The following OSBPL6 variants were observed in gnomAD, a reference collection of about 807,000 sequenced individuals.
OSBPL6 encodes the protein oxysterol binding protein like 6, also known as oxysterol-binding protein-related protein 6.
In OSBPL6, 49 loss-of-function variants were observed where a neutral mutation model predicts 125.8. The ratio of observed to expected loss-of-function variants is 0.39; its 90% CI spans 0.31 to 0.49. The LOEUF is 0.49. OSBPL6 is among the 20% of genes least tolerant of loss of function. The pLI, the probability that OSBPL6 is intolerant of heterozygous loss-of-function variation, is 0.88. For synonymous variants in OSBPL6, 394 were observed against 391.8 expected (o/e 1.01, Z -0.07); for missense variants, 986 against 1,135.4 (o/e 0.87, Z 1.89).
intron 3 of OSBPL6, chr2:178,320,338 T>C (rs1688128218): frequency 6.2e-6 from 10 of 1,612,860 alleles, no homozygotes; most frequent in Non-Finnish European, 8.5e-6. Context: ...AAATATGTGT[T>C]CCAGGTTCCT....
chr2:178,355,608 C>A (rs548103037), intron 12 of OSBPL6, among the ~76,000 whole-genome samples: 2 of 152,060 alleles, frequency 1.3e-5, no homozygotes, highest in East Asian at 1.9e-4. Context: ...GCCTACCAAC[C>A]AAAAAAAGTA....
intron 1 of OSBPL6, among the ~76,000 whole-genome samples, chr2:178,281,803 G>T (rs1391679074): frequency 6.6e-6 from 1 of 151,704 alleles, no homozygotes; most frequent in East Asian, 1.9e-4. Context: ...CTGTGGTGAG[G>T]GGGGTGGTGG....
intron 13 of OSBPL6, among the ~76,000 whole-genome samples, chr2:178,365,414 A>C (rs1692738662): frequency 6.6e-6 from 1 of 152,190 alleles, no homozygotes; most frequent in Non-Finnish European, 1.5e-5. Context: ...TGCCTTGAGC[A>C]AACAAAAATT....
At position 178,252,349 on chromosome 2, in the gene OSBPL6, A is replaced by G. The variant is rs577932328; in HGVS notation, c.-350-32578A>G. Among the ~76,000 whole-genome samples the G allele has an allele frequency of 2.6e-5, 4 of 152,296 alleles. No individual in the cohort carries two copies. In the East Asian group the frequency reaches 7.7e-4, roughly 29 times the overall value. ...CTGTTGCCAACTACTCAATTCTGCC[A>G]TTATAGTTCAAAAGCAGCGGTAGAC... On this transcript the variant is annotated intron_variant, in intron 1 of 24. Coordinates refer to ENST00000190611, the MANE Select transcript of OSBPL6 (RefSeq NM_032523.4).
At chr2:178,206,123 C>T (rs954670057) in intron 1 of OSBPL6, among the ~76,000 whole-genome samples, 1 of 152,150 alleles carries the variant, frequency 6.6e-6, no homozygotes. Flanking sequence ...TAGGATTTCT[C>T]TTATTGGCTG....
upstream of OSBPL6, among the ~76,000 whole-genome samples, chr2:178,194,006 G>A (rs1272193800): frequency 6.6e-6 from 1 of 152,258 alleles, no homozygotes. Context: ...CCCGAGCGGA[G>A]GCCGCCAGGC....
intron 2 of OSBPL6, among the ~76,000 whole-genome samples, chr2:178,287,321 C>T (rs1443871658): frequency 6.6e-6 from 1 of 151,162 alleles, no homozygotes; most frequent in African/African-American, 2.4e-5. Flanking sequence ...TAAATCTCTT[C>T]TTGATTGGTA....
intron 2 of OSBPL6, among the ~76,000 whole-genome samples, chr2:178,299,565 C>A (rs754339612): frequency 4.0e-5 from 6 of 151,846 alleles, no homozygotes; most frequent in African/African-American, 1.5e-4. Context: ...TTCTTTCTTT[C>A]GCTCCTTGTG....
chr2:178,349,989 C>G (rs936393376), intron 12 of OSBPL6, among the ~76,000 whole-genome samples: 1 of 152,208 alleles, frequency 6.6e-6, no homozygotes, highest in Admixed American at 6.5e-5. Flanking sequence ...CTTAGGGTTC[C>G]AAGAGCCTGG....
At chr2:178,282,233 G>T (rs1343297851) in intron 1 of OSBPL6, among the ~76,000 whole-genome samples, 1 of 152,194 alleles carries the variant, frequency 6.6e-6, no homozygotes, top group African/African-American at 2.4e-5. Context: ...TTGGGCTAAG[G>T]TTTTATTTAC....
chr2:178,240,584 A>G (rs1040737815), intron 1 of OSBPL6, among the ~76,000 whole-genome samples: 12 of 151,904 alleles, frequency 7.9e-5, no homozygotes, highest in Non-Finnish European at 1.3e-4. Context: ...AAATAAATAA[A>G]TAAATAGAAG....
chr2:178,234,435 T>A (rs1220771551), intron 1 of OSBPL6, among the ~76,000 whole-genome samples: 1 of 152,094 alleles, frequency 6.6e-6, no homozygotes, highest in Non-Finnish European at 1.5e-5. Context: ...GAGTCATTTT[T>A]AAAAAATACT....
intron 1 of OSBPL6, among the ~76,000 whole-genome samples, chr2:178,261,581 C>T (rs942024088): frequency 2.0e-5 from 3 of 152,122 alleles, no homozygotes; most frequent in Non-Finnish European, 4.4e-5. Context: ...CTGTCTACTC[C>T]TTTTCCCTTT....
chr2:178,334,504 C>CATTA lies in OSBPL6; in HGVS notation c.657+1463_657+1464insATTA, dbSNP rs1559258840. On this transcript the variant is annotated intron_variant, in intron 8 of 24. Coordinates refer to ENST00000190611, the MANE Select transcript of OSBPL6 (RefSeq NM_032523.4). Reference sequence around the variant, plus strand: ...GATGTTAAAATTATCTCAAACCTTACGTTATTTATTTATTTACTTATTTAT... The same window carrying CATTA: ...GATGTTAAAATTATCTCAAACCTTACATTAGTTATTTATTTATTTACTTATTTAT... 2.1e-3 allele frequency among the ~76,000 whole-genome samples: 315 copies of CATTA among 152,184 alleles called. 1 individual carries two copies. Among genetic ancestry groups the CATTA allele is most frequent in the African/African-American group, 7.0e-3 (289 of 41,548 alleles).
chr2:178,196,297 A>AT (rs112315400), intron 1 of OSBPL6, among the ~76,000 whole-genome samples: 3,215 of 152,146 alleles, frequency 0.021, 80 homozygotes, highest in East Asian at 0.076. Flanking sequence ...GAGTTCATAT[A>AT]TTTTTTCCCT....
At chr2:178,326,330 G>A (rs1175607509) in intron 4 of OSBPL6, among the ~76,000 whole-genome samples, 1 of 151,938 alleles carries the variant, frequency 6.6e-6, no homozygotes, top group African/African-American at 2.4e-5. Flanking sequence ...ATTACTGTCT[G>A]TTCTTATTTA....
At chr2:178,368,644 A>C (rs1007723333) in intron 13 of OSBPL6, among the ~76,000 whole-genome samples, 7 of 152,152 alleles carry the variant, frequency 4.6e-5, no homozygotes, top group Non-Finnish European at 8.8e-5. Flanking sequence ...ATTCTTTACC[A>C]GTAGTGGTAA....
chr2:178,377,403 A>G (rs1309557238), intron 15 of OSBPL6, among the ~76,000 whole-genome samples: 1 of 152,332 alleles, frequency 6.6e-6, no homozygotes, highest in African/African-American at 2.4e-5. Flanking sequence ...AACCGTTCCC[A>G]TGATCCAATC....
rs569319316 is a variant in OSBPL6 at position 178,231,420 on chromosome 2, A to G, written c.-351+36746A>G. The stretch of plus-strand genomic sequence containing the variant: ...TATTACTATGGGCACAACTGCTGGC[A>G]TTCACCCGTGCAGGCTTCCAGCTTG... On this transcript the variant is annotated intron_variant, in intron 1 of 24. Coordinates refer to ENST00000190611, the MANE Select transcript of OSBPL6 (RefSeq NM_032523.4). 8.8e-4 allele frequency among the ~76,000 whole-genome samples: 134 copies of G among 152,172 alleles called. 1 individual carries two copies. Among genetic ancestry groups the G allele is most frequent in the South Asian group, 2.5e-3 (12 of 4,818 alleles).
Sources: allele counts gnomAD v4.1 joint callset (sites outside exome capture counted in the v4.1 genomes callset), GRCh38; gene constraint gnomAD v4.1.1; transcripts MANE v1.5; gene names NCBI Gene and HGNC (gene_info 2026-07-23, HGNC 2026-07-21).